The following CDKN2B-AS1 variants were observed in gnomAD, a reference collection of about 807,000 sequenced individuals.
CDKN2B-AS1 encodes the protein CDKN2B antisense RNA 1 (non-protein coding).
At chr9:22,008,183 T>C (rs1422772530) in intron 1 of CDKN2B-AS1, among the ~76,000 whole-genome samples, 1 of 152,242 alleles carries the variant, frequency 6.6e-6, no homozygotes, top group Non-Finnish European at 1.5e-5. Flanking sequence ...CAGGAATATT[T>C]TTGTAATCTG....
intron 3 of CDKN2B-AS1, among the ~76,000 whole-genome samples, chr9:22,054,442 A>G (rs957613518): frequency 6.6e-6 from 1 of 152,214 alleles, no homozygotes; most frequent in African/African-American, 2.4e-5. Context: ...AGGATTTGTG[A>G]CAATACTAAT....
At chr9:22,107,829 G>T (rs1407298691) in intron 4 of CDKN2B-AS1, among the ~76,000 whole-genome samples, 1 of 152,184 alleles carries the variant, frequency 6.6e-6, no homozygotes, top group Non-Finnish European at 1.5e-5. Context: ...TTAGTTTTAG[G>T]TGAACTTCCT....
intron 3 of CDKN2B-AS1, among the ~76,000 whole-genome samples, chr9:22,049,986 AG>A (rs1192644585): frequency 6.6e-6 from 1 of 152,308 alleles, no homozygotes; most frequent in East Asian, 1.9e-4. Flanking sequence ...TGAACAATTT[AG>A]ACATTGCCTT....
intron 3 of CDKN2B-AS1, among the ~76,000 whole-genome samples, chr9:22,055,214 A>G (rs1415973005): frequency 6.6e-6 from 1 of 152,180 alleles, no homozygotes; most frequent in Non-Finnish European, 1.5e-5. Context: ...ATACATTGTG[A>G]AATGGTTAAA....
chr9:22,043,337 A>T lies in CDKN2B-AS1; in HGVS notation n.30-3414A>T, dbSNP rs1484563978. ...GGTAAGAAACATATGATGTTGAATA[A>T]GGTATGAATTACAAATTAAGGCTTT... is the stretch of plus-strand genomic sequence containing the variant. On this transcript the variant is annotated intron_variant and non_coding_transcript_variant, in intron 1 of 4. Coordinates refer to ENST00000650946, the Ensembl canonical transcript of CDKN2B-AS1. Among the ~76,000 whole-genome samples the T allele has an allele frequency of 5.9e-5, 9 of 152,078 alleles. No homozygotes were observed. In the East Asian group the frequency reaches 1.7e-3, roughly 29 times the overall value.
intron 4 of CDKN2B-AS1, chr9:22,065,695 C>A (rs1220288050): frequency 6.6e-6 from 1 of 152,154 alleles, no homozygotes; most frequent in African/African-American, 2.4e-5. Context: ...TCTGCAGAAA[C>A]CACATCCCTT....
chr9:22,041,161 G>A (rs751950811), intron 1 of CDKN2B-AS1, among the ~76,000 whole-genome samples: 8 of 152,120 alleles, frequency 5.3e-5, no homozygotes, highest in Non-Finnish European at 8.8e-5. Flanking sequence ...AAGAGAAAAT[G>A]TGTTGGAAAG....
intron 4 of CDKN2B-AS1, among the ~76,000 whole-genome samples, chr9:22,092,652 G>C (rs112463497): frequency 6.6e-6 from 1 of 152,080 alleles, no homozygotes; most frequent in South Asian, 2.1e-4. Flanking sequence ...TTGTATTTCT[G>C]TGGGATTGGT....
At chr9:22,092,608 C>T (rs542041619) in intron 4 of CDKN2B-AS1, 36 of 152,286 alleles carry the variant, frequency 2.4e-4, no homozygotes, top group African/African-American at 8.7e-4. Flanking sequence ...AGTTTATTTG[C>T]ATAGAGGTGT....
Position 21,998,206 on chromosome 9 carries a change from A to C in CDKN2B-AS1, n.29+3045A>C, listed in dbSNP as rs540558036. Among the ~76,000 whole-genome samples, 223 of 152,346 alleles carry C rather than the reference A, an allele frequency of 1.5e-3. 1 individual carries two copies. Among genetic ancestry groups the C allele is most frequent in the African/African-American group, 5.0e-3 (209 of 41,578 alleles). On this transcript the variant is annotated intron_variant and non_coding_transcript_variant, in intron 1 of 4. Transcript: ENST00000650946. ...TAGTCTCAGCAAAATACAATGGTGA[A>C]GATGACTCTTTCTAGCATAACAATG...
At chr9:22,126,905 G>A (rs1156691227) in intron 4 of CDKN2B-AS1, among the ~76,000 whole-genome samples, 2 of 152,060 alleles carry the variant, frequency 1.3e-5, no homozygotes, top group Non-Finnish European at 2.9e-5. Context: ...AAAACAGAAG[G>A]TGGGGAGGTG....
At chr9:22,089,875 G>T (rs983150556) in intron 4 of CDKN2B-AS1, among the ~76,000 whole-genome samples, 1 of 151,720 alleles carries the variant, frequency 6.6e-6, no homozygotes, top group Admixed American at 6.6e-5. Context: ...TGTGCACAAC[G>T]TGCAGGTTTG....
intron 1 of CDKN2B-AS1, among the ~76,000 whole-genome samples, chr9:22,041,265 A>G (rs921488780): frequency 6.6e-6 from 1 of 152,072 alleles, no homozygotes; most frequent in African/African-American, 2.4e-5. Context: ...CAAATGCTAC[A>G]GATGTACCTG....
chr9:22,016,768 C>G (rs548336175), intron 1 of CDKN2B-AS1, among the ~76,000 whole-genome samples: 1 of 152,244 alleles, frequency 6.6e-6, no homozygotes, highest in Admixed American at 6.5e-5. Context: ...AAACTGGATC[C>G]CTTCCTTACA....
intron 4 of CDKN2B-AS1, among the ~76,000 whole-genome samples, chr9:22,069,160 C>T (rs1026869190): frequency 2.0e-5 from 3 of 152,068 alleles, no homozygotes; most frequent in African/African-American, 4.8e-5. Flanking sequence ...TCATACAGAG[C>T]GATAATTTCA....
At chr9:22,113,617 C>G (rs1825860393) in intron 4 of CDKN2B-AS1, 1 of 152,170 alleles carries the variant, frequency 6.6e-6, no homozygotes, top group Non-Finnish European at 1.5e-5. Context: ...CTCAGTCTCA[C>G]TATTTGCAAA....
chr9:22,074,071 C>T (rs1824401686), intron 4 of CDKN2B-AS1, among the ~76,000 whole-genome samples: 1 of 152,010 alleles, frequency 6.6e-6, no homozygotes, highest in African/African-American at 2.4e-5. Flanking sequence ...CCATGTTGCC[C>T]AGGCTGGTCT....
intron 4 of CDKN2B-AS1, among the ~76,000 whole-genome samples, chr9:22,089,312 T>C (rs1289717792): frequency 1.3e-5 from 2 of 152,258 alleles, no homozygotes; most frequent in African/African-American, 4.8e-5. Context: ...GAATTGATGA[T>C]ATTTATCTGA....
intron 4 of CDKN2B-AS1, among the ~76,000 whole-genome samples, chr9:22,062,953 CT>C (rs762658625): frequency 2.7e-4 from 38 of 140,402 alleles, no homozygotes; most frequent in Admixed American, 1.1e-3. Context: ...AGAAAAGTGA[CT>C]TGTGTGTGTG....
Sources: allele counts gnomAD v4.1 joint callset (sites outside exome capture counted in the v4.1 genomes callset), GRCh38; gene constraint gnomAD v4.1.1; transcripts MANE v1.5; gene names NCBI Gene and HGNC (gene_info 2026-07-23, HGNC 2026-07-21).